The following NR2F1-AS1 variants were observed in gnomAD, a reference collection of about 807,000 sequenced individuals.
NR2F1-AS1 encodes the protein NR2F1 regulatory antisense RNA 1.
intron 4 of NR2F1-AS1, among the ~76,000 whole-genome samples, chr5:93,493,750 G>A (rs1750900645): frequency 6.6e-6 from 1 of 151,928 alleles, no homozygotes; most frequent in Admixed American, 6.6e-5. Flanking sequence ...AACAGAGAAA[G>A]AAGAGTCTCT....
intron 4 of NR2F1-AS1, among the ~76,000 whole-genome samples, chr5:93,463,919 GC>G (rs756254053): frequency 7.6e-4 from 115 of 152,272 alleles, no homozygotes; most frequent in Non-Finnish European, 1.5e-3. Context: ...GAAGGGACTT[GC>G]CTTGTCTCAG....
intron 4 of NR2F1-AS1, among the ~76,000 whole-genome samples, chr5:93,440,486 T>C (rs1176066127): frequency 2.6e-5 from 4 of 152,210 alleles, no homozygotes; most frequent in Non-Finnish European, 5.9e-5. Flanking sequence ...ACTAGGACAC[T>C]GGTTTCTCCC....
At chr5:93,423,238 T>C (rs1034225008) in intron 4 of NR2F1-AS1, 8 of 152,270 alleles carry the variant, frequency 5.3e-5, no homozygotes, top group Admixed American at 5.2e-4. Flanking sequence ...CCGGGGCCTC[T>C]CCTTAGCTAC....
At chr5:93,565,102 A>C (rs2149922754) in intron 1 of NR2F1-AS1, among the ~76,000 whole-genome samples, 1 of 152,318 alleles carries the variant, frequency 6.6e-6, no homozygotes, top group East Asian at 1.9e-4. Context: ...GGAAAAGACA[A>C]CCTTAATGGA....
intron 4 of NR2F1-AS1, among the ~76,000 whole-genome samples, chr5:93,548,445 AT>A: frequency 6.6e-6 from 1 of 152,338 alleles, no homozygotes; most frequent in Admixed American, 6.5e-5. Flanking sequence ...ATGTCCAGCT[AT>A]GTCAAAACGT....
chr5:93,412,543 C>T (rs1748878309), intron 4 of NR2F1-AS1, among the ~76,000 whole-genome samples: 1 of 152,220 alleles, frequency 6.6e-6, no homozygotes, highest in South Asian at 2.1e-4. Flanking sequence ...CTTTACTCTA[C>T]ATTGCTTCTT....
At chr5:93,470,214 A>G (rs1226997298) in intron 4 of NR2F1-AS1, among the ~76,000 whole-genome samples, 1 of 152,022 alleles carries the variant, frequency 6.6e-6, no homozygotes, top group African/African-American at 2.4e-5. Context: ...TACCTAATAT[A>G]CTTAGAAATT....
chr5:93,472,790 T>C (rs1750396746), intron 4 of NR2F1-AS1, among the ~76,000 whole-genome samples: 1 of 151,892 alleles, frequency 6.6e-6, no homozygotes, highest in Admixed American at 6.6e-5. Context: ...GAAAATGTAA[T>C]AATTAAAATT....
At chr5:93,556,174 G>A (rs761120596) in intron 2 of NR2F1-AS1, among the ~76,000 whole-genome samples, 2 of 152,030 alleles carry the variant, frequency 1.3e-5, no homozygotes, top group African/African-American at 2.4e-5. Context: ...CAACTTCATC[G>A]TACTACCAGT....
At chr5:93,507,687 A>G (rs1339585206) in intron 4 of NR2F1-AS1, among the ~76,000 whole-genome samples, 3 of 152,204 alleles carry the variant, frequency 2.0e-5, no homozygotes, top group African/African-American at 4.8e-5. Context: ...ATAAGAATTG[A>G]AAAAATAAAA....
upstream of NR2F1-AS1, chr5:93,584,183 C>G (rs1327976709): frequency 6.7e-6 from 1 of 148,788 alleles, no homozygotes. Context: ...CGGGCGGCCC[C>G]GGCCTCCGCT....
At chr5:93,572,697 A>C (rs1752801608) in intron 1 of NR2F1-AS1, among the ~76,000 whole-genome samples, 1 of 152,202 alleles carries the variant, frequency 6.6e-6, no homozygotes, top group African/African-American at 2.4e-5. Context: ...GAGCAAAGAC[A>C]GGCCGGTGTT....
At chr5:93,506,394 G>A (rs928275816) in intron 4 of NR2F1-AS1, among the ~76,000 whole-genome samples, 6 of 152,162 alleles carry the variant, frequency 3.9e-5, no homozygotes, top group African/African-American at 1.4e-4. Flanking sequence ...TTCCAAAGTC[G>A]CTTCCACATT....
chr5:93,476,760 C>A (rs1437475769), intron 4 of NR2F1-AS1, among the ~76,000 whole-genome samples: 1 of 152,016 alleles, frequency 6.6e-6, no homozygotes, highest in Non-Finnish European at 1.5e-5. Context: ...AAGAAGATAA[C>A]CTGCACATGC....
At chr5:93,431,257 G>A (rs1050084947) in intron 4 of NR2F1-AS1, among the ~76,000 whole-genome samples, 1 of 151,790 alleles carries the variant, frequency 6.6e-6, no homozygotes, top group South Asian at 2.1e-4. Context: ...TATCTGCATA[G>A]CTAAAGACAA....
chr5:93,449,573 A>G (rs1177812786), intron 4 of NR2F1-AS1, among the ~76,000 whole-genome samples: 1 of 152,224 alleles, frequency 6.6e-6, no homozygotes, highest in Non-Finnish European at 1.5e-5. Flanking sequence ...TAGAGATAAC[A>G]AAGTATTATG....
chr5:93,423,300 C>T (rs1749130296), intron 4 of NR2F1-AS1: 1 of 152,184 alleles, frequency 6.6e-6, no homozygotes, highest in African/African-American at 2.4e-5. Flanking sequence ...AAAAAGGAAG[C>T]TGCTAGTGTG....
chr5:93,420,611 G>A (rs1312674095), intron 4 of NR2F1-AS1, among the ~76,000 whole-genome samples: 1 of 152,186 alleles, frequency 6.6e-6, no homozygotes, highest in Admixed American at 6.5e-5. Context: ...CCAACAAAAT[G>A]TCAAAGGTGG....
chr5:93,504,440 AC>A (rs1470928813), intron 4 of NR2F1-AS1, among the ~76,000 whole-genome samples: 1 of 152,190 alleles, frequency 6.6e-6, no homozygotes, highest in African/African-American at 2.4e-5. Context: ...GAAACAGGTA[AC>A]CCCTATTTTA....
Sources: gnomAD v4.1 joint callset for allele counts (sites outside exome capture counted in the v4.1 genomes callset) on GRCh38, gnomAD v4.1.1 for gene constraint, MANE v1.5 for transcripts, NCBI Gene and HGNC (gene_info 2026-07-23, HGNC 2026-07-21) for gene names.